Variants in ONECUT2 observed in about 807,000 individuals in gnomAD.
ONECUT2 encodes the protein one cut homeobox 2.
Under a neutral mutation model 27.9 loss-of-function variants are expected in ONECUT2, and 10 were observed. That is an observed-to-expected ratio of 0.36 (90% CI 0.22 to 0.61). The LOEUF (loss-of-function observed/expected upper bound fraction) is 0.61. ONECUT2 is among the 20% of genes least tolerant of loss of function. The probability of loss-of-function intolerance (pLI) is 0.73; values close to 1 mark genes in which losing one functional copy is unlikely to be tolerated. For missense variants in ONECUT2, 686 were observed against 721.0 expected (o/e 0.95, Z 0.56); for synonymous variants, 334 against 315.1 (o/e 1.06, Z -0.64).
chr18:57,448,536 T>A (rs1165284851), intron 1 of ONECUT2, among the ~76,000 whole-genome samples: 2 of 152,256 alleles, frequency 1.3e-5, no homozygotes, highest in Non-Finnish European at 2.9e-5. Context: ...AAATGTATTT[T>A]GTAAGCTTTG....
At chr18:57,472,542 A>G (rs1326061391) in intron 1 of ONECUT2, among the ~76,000 whole-genome samples, 1 of 152,144 alleles carries the variant, frequency 6.6e-6, no homozygotes, top group East Asian at 1.9e-4. Flanking sequence ...GGCTTGCTGT[A>G]CACTTCTAGA....
intron 1 of ONECUT2, among the ~76,000 whole-genome samples, chr18:57,456,007 C>G (rs2050257308): frequency 6.6e-6 from 1 of 152,216 alleles, no homozygotes; most frequent in Non-Finnish European, 1.5e-5. Context: ...CTCTGACATC[C>G]AGTTCTTCCA....
At chr18:57,448,659 C>T (rs1156591777) in intron 1 of ONECUT2, among the ~76,000 whole-genome samples, 2 of 152,220 alleles carry the variant, frequency 1.3e-5, no homozygotes, top group African/African-American at 2.4e-5. Flanking sequence ...GATTTGGCAA[C>T]AGTAAGTGTA....
chr18:57,438,112 G>C (rs2050153603), intron 1 of ONECUT2, among the ~76,000 whole-genome samples: 1 of 152,232 alleles, frequency 6.6e-6, no homozygotes, highest in Admixed American at 6.5e-5. Context: ...GAGCTAGAGG[G>C]AAAGATGCAG....
At chr18:57,454,402 A>G (rs1292330103) in intron 1 of ONECUT2, among the ~76,000 whole-genome samples, 1 of 152,226 alleles carries the variant, frequency 6.6e-6, no homozygotes, top group Admixed American at 6.5e-5. Flanking sequence ...TGTCAATGAC[A>G]GCATGAGCCA....
Position 57,489,630 on chromosome 18 carries a change from T to G in ONECUT2, c.*12907T>G, listed in dbSNP as rs1406684232. On this transcript the variant is annotated 3_prime_UTR_variant, in exon 2 of 2. Coordinates refer to ENST00000491143, the MANE Select transcript of ONECUT2 (RefSeq NM_004852.3). ...TTATCTCTAGGAAAGTTTTTTCAGA[T>G]TATGACAAGGAACCTGCCACCTGGG... The G allele has an allele frequency of 6.6e-6, 1 of 151,896 alleles. No individual in the cohort carries two copies. The highest frequency in any genetic ancestry group is 1.5e-5 in the Non-Finnish European group (1 of 68,044). 9.4% of individuals were successfully genotyped at this position (151,896 alleles called of 1,614,324 possible). A position where few individuals can be genotyped will look rare whatever the true frequency, so the allele number is the denominator to read the frequency against.
chr18:57,436,871 G>A lies in ONECUT2; in HGVS notation c.1155G>A (p.Arg385=). ...CGTGGAGTAAACTCAAATCTGGCAG[G>A]GAGACCTTCCGCAGGATGTGGAAGT... ...PKPWSKLKSG[R]ETFRRMWKWL... Residue 385 remains arginine, a synonymous_variant, in exon 1 of 2, where the codon AGG becomes AGA. Transcript: ENST00000491143. This position sits in a 1 kb window ranked among gnomAD's most constrained non-coding sequence, Gnocchi z 5.9. 6.2e-7 allele frequency: 1 copy of A among 1,613,778 alleles called. No individual in the cohort carries two copies. The highest frequency in any genetic ancestry group is 8.5e-7 in the Non-Finnish European group (1 of 1,180,024).
rs145161859 is a variant in ONECUT2 at position 57,448,094 on chromosome 18, G to C, written c.1228+11150G>C. 6.1e-3 allele frequency among the ~76,000 whole-genome samples: 932 copies of C among 152,304 alleles called. 9 individuals are homozygous for C. Among genetic ancestry groups the C allele is most frequent in the African/African-American group, 0.019 (805 of 41,568 alleles). On this transcript the variant is annotated intron_variant, in intron 1 of 1. Transcript: ENST00000491143. ...TTCTGGTTTTATTCCAGAGAAAAGA[G>C]ATAGGAGAGTCCTTTTGGTCAATGA... is the stretch of plus-strand genomic sequence containing the variant.
chr18:57,476,038 C>T (rs914252271), intron 1 of ONECUT2, among the ~76,000 whole-genome samples: 7 of 152,174 alleles, frequency 4.6e-5, no homozygotes, highest in African/African-American at 9.6e-5. Context: ...GTAAACAATT[C>T]GAGAGGGTGA....
chr18:57,452,894 A>G (rs940948448), intron 1 of ONECUT2, among the ~76,000 whole-genome samples: 4 of 152,246 alleles, frequency 2.6e-5, no homozygotes, highest in African/African-American at 9.6e-5. Flanking sequence ...CAAAGCAAAC[A>G]CTGCTTAGGG....
rs866569959 is a variant in ONECUT2, at chr18:57,436,311, C to T, written c.595C>T (p.Arg199Cys). 2 of 1,603,398 alleles carry T rather than the reference C, an allele frequency of 1.2e-6. No individual in the cohort carries two copies. Among genetic ancestry groups the T allele is most frequent in the East Asian group, 2.2e-5 (1 of 44,806 alleles). ...CGTCAGCGGCAGCTTCACCCTCATG[C>T]GCGACGAGCGCGGGCTCCCGGCCAT... is the stretch of plus-strand genomic sequence containing the variant. ...GNVSGSFTLM[R>C]DERGLPAMNN... The change falls in exon 1 of 2, where the codon CGC becomes TGC. Residue 199 changes from arginine (R) to cysteine (C), a missense_variant. By Grantham distance (180) the Arg-to-Cys change is radical (BLOSUM62 -3). Around this residue, in one of 4 missense-constraint regions of ONECUT2, gnomAD observed 511 missense variants for 488.1 expected, o/e 1.05. Transcript: ENST00000491143. The surrounding 1 kb of genome is among the most constrained non-coding windows in gnomAD (Gnocchi z 5.9).
Position 57,436,232 on chromosome 18 carries a change from G to T in ONECUT2, c.516G>T (p.Pro172=). The T allele has an allele frequency of 6.2e-7, 1 of 1,601,836 alleles. No individual in the cohort carries two copies. The highest frequency in any genetic ancestry group is 8.5e-7 in the Non-Finnish European group (1 of 1,176,586). ...CTGACAAGTTCCACCACCCTCACCC[G>T]CACCACCATCCGCACCACCACCACC... ...TVSDKFHHPH[P]HHHPHHHHHH... Residue 172 remains proline (P), a synonymous_variant, in exon 1 of 2, where the codon CCG becomes CCT. Transcript: ENST00000491143. The surrounding 1 kb of genome is among the most constrained non-coding windows in gnomAD (Gnocchi z 5.9).
At position 57,479,723 on chromosome 18, in the gene ONECUT2, G is replaced by A. The variant is rs1365600731; in HGVS notation, c.*3000G>A. On this transcript the variant is annotated 3_prime_UTR_variant, in exon 2 of 2. Transcript: ENST00000491143. ...CGGCCCAGAACTGGGTCCTGACAGT[G>A]GGGTGCTCATCTTCTGTAACTGTTG... The A allele has an allele frequency of 2.6e-5, 4 of 152,540 alleles. No homozygotes were observed. The highest frequency in any genetic ancestry group is 4.4e-5 in the Non-Finnish European group (3 of 68,016). The allele number at this position is 152,540 out of a possible 1,614,324, so 9.4% of individuals were successfully genotyped here.
intron 1 of ONECUT2, among the ~76,000 whole-genome samples, chr18:57,466,425 A>C (rs972575007): frequency 6.6e-6 from 1 of 152,226 alleles, no homozygotes; most frequent in African/African-American, 2.4e-5. Context: ...ATTTTAGCAG[A>C]AAGTTGAAGA....
Position 57,476,519 on chromosome 18 carries a change from A to G in ONECUT2, c.1311A>G (p.Gln437=), listed in dbSNP as rs1434903351. Residue 437 remains glutamine (Q), a synonymous_variant, in exon 2 of 2, where the codon CAA becomes CAG. Coordinates refer to ENST00000491143, the MANE Select transcript of ONECUT2 (RefSeq NM_004852.3). The part of the protein sequence containing the change: ...KKSRLVFTDL[Q]RRTLFAIFKE... ...CCCGCCTGGTGTTCACTGACCTCCA[A>G]CGCCGAACACTCTTCGCCATCTTCA... is the stretch of plus-strand genomic sequence containing the variant. 5 of 1,614,044 alleles carry G rather than the reference A, an allele frequency of 3.1e-6. No homozygotes were observed. Among genetic ancestry groups the G allele is most frequent in the Non-Finnish European group, 4.2e-6 (5 of 1,180,022 alleles).
chr18:57,474,428 A>G (rs911104272), intron 1 of ONECUT2, among the ~76,000 whole-genome samples: 2 of 152,320 alleles, frequency 1.3e-5, no homozygotes, highest in East Asian at 1.9e-4. Flanking sequence ...CTTATAAACA[A>G]TAGAAGTTTA....
intron 1 of ONECUT2, among the ~76,000 whole-genome samples, chr18:57,438,184 G>C (rs183104716): frequency 3.3e-5 from 5 of 152,392 alleles, no homozygotes; most frequent in Admixed American, 3.3e-4. Context: ...CGCGGTGTGC[G>C]TGGCGACTGC....
chr18:57,449,620 C>T (rs916240408), intron 1 of ONECUT2, among the ~76,000 whole-genome samples: 2 of 152,214 alleles, frequency 1.3e-5, no homozygotes, highest in African/African-American at 4.8e-5. Flanking sequence ...AGACTAAGGA[C>T]CCATTTTGCC....
At chr18:57,464,719 A>G (rs1370287537) in intron 1 of ONECUT2, among the ~76,000 whole-genome samples, 1 of 152,178 alleles carries the variant, frequency 6.6e-6, no homozygotes, top group Non-Finnish European at 1.5e-5. Flanking sequence ...CTTCCTGCAG[A>G]TTCATTAGTG....
Sources: gnomAD v4.1 joint callset for allele counts (sites outside exome capture counted in the v4.1 genomes callset) on GRCh38, gnomAD v4.1.1 for gene constraint, gnomAD v4.1.1 regional missense constraint, Gnocchi (gnomAD v3.1) non-coding constraint, MANE v1.5 for transcripts, NCBI Gene and HGNC (gene_info 2026-07-23, HGNC 2026-07-21) for gene names.